Variants in SCN8A observed in about 807,000 individuals in gnomAD.
The protein encoded by SCN8A is sodium channel protein type 8 subunit alpha.
Under a neutral mutation model 184.1 loss-of-function variants are expected in SCN8A, and 30 were observed. That is an observed-to-expected ratio of 0.16 (90% CI 0.12 to 0.22). SCN8A has a LOEUF of 0.22. Among genes scored for constraint, SCN8A ranks in the 10% least tolerant of loss-of-function variants. The pLI is 1.00. For synonymous variants in SCN8A, 852 were observed against 907.0 expected (o/e 0.94, Z 1.09); for missense variants, 1,057 against 2,498.9 (o/e 0.42, Z 12.30).
chr12:51,626,910 A>G (rs1338587236), intron 1 of SCN8A, among the ~76,000 whole-genome samples: 2 of 151,898 alleles, frequency 1.3e-5, no homozygotes, highest in Non-Finnish European at 2.9e-5. Flanking sequence ...TTTCACATTC[A>G]TGAACATGTA....
At chr12:51,788,157 G>A (rs1279672069) in intron 22 of SCN8A, among the ~76,000 whole-genome samples, 1 of 152,100 alleles carries the variant, frequency 6.6e-6, no homozygotes, top group Non-Finnish European at 1.5e-5. Context: ...AATTGGGAAG[G>A]GACTGTCAAG....
chr12:51,649,903 G>A (rs1370080182), intron 1 of SCN8A, among the ~76,000 whole-genome samples: 1 of 152,138 alleles, frequency 6.6e-6, no homozygotes, highest in Non-Finnish European at 1.5e-5. Context: ...CTATCACATG[G>A]ACAGGCTGCA....
chr12:51,608,870 G>A (rs1379947658), intron 1 of SCN8A, among the ~76,000 whole-genome samples: 1 of 152,098 alleles, frequency 6.6e-6, no homozygotes, highest in African/African-American at 2.4e-5. Context: ...TAGGCGTTTA[G>A]GGCCGTGAAC....
rs539908600 is a variant in SCN8A at position 51,669,120 on chromosome 12, A to G, written c.276+6027A>G. Among the ~76,000 whole-genome samples the G allele has an allele frequency of 4.6e-5, 7 of 152,370 alleles. No individual in the cohort carries two copies. The East Asian group carries it at 1.2e-3, about 25-fold the overall frequency. ...CATAGAAAAGGTAATGCATTGTGCT[A>G]TAGCTACAACTTTATGACAGATACA... On this transcript the variant is annotated intron_variant, in intron 2 of 26. Transcript: ENST00000627620.
At chr12:51,647,514 G>A (rs1035929983) in intron 1 of SCN8A, among the ~76,000 whole-genome samples, 14 of 152,172 alleles carry the variant, frequency 9.2e-5, no homozygotes, top group African/African-American at 3.4e-4. Flanking sequence ...TGAATGCACG[G>A]GCAGTTCCCC....
At chr12:51,677,920 G>C (rs1941252654) in intron 2 of SCN8A, among the ~76,000 whole-genome samples, 1 of 152,114 alleles carries the variant, frequency 6.6e-6, no homozygotes. Flanking sequence ...AGACAGATTA[G>C]GTAAAATATT....
At chr12:51,599,619 A>G (rs1327967075) in intron 1 of SCN8A, among the ~76,000 whole-genome samples, 1 of 152,214 alleles carries the variant, frequency 6.6e-6, no homozygotes, top group African/African-American at 2.4e-5. Context: ...AGAATGACAG[A>G]TGATCAAAGC....
intron 12 of SCN8A, among the ~76,000 whole-genome samples, chr12:51,723,988 G>T (rs781713024): frequency 3.9e-5 from 6 of 152,268 alleles, no homozygotes; most frequent in Middle Eastern, 6.8e-3. Context: ...ACCCCTCAGA[G>T]ACCCTAATCT....
At chr12:51,691,934 C>G (rs534808273) in intron 6 of SCN8A, among the ~76,000 whole-genome samples, 1 of 152,348 alleles carries the variant, frequency 6.6e-6, no homozygotes, top group East Asian at 1.9e-4. Context: ...GCTATGCAGT[C>G]TCCTTCCAAG....
intron 26 of SCN8A, among the ~76,000 whole-genome samples, chr12:51,803,485 A>G (rs1041048449): frequency 3.3e-5 from 5 of 152,050 alleles, no homozygotes; most frequent in South Asian, 4.2e-4. Context: ...CAGGTTGACA[A>G]TATTAACCAT....
At chr12:51,662,561 C>T (rs997385791) in intron 1 of SCN8A, among the ~76,000 whole-genome samples, 18 of 152,138 alleles carry the variant, frequency 1.2e-4, no homozygotes, top group African/African-American at 4.3e-4. Context: ...ACTAGCAATT[C>T]AGGAGACTCC....
chr12:51,655,619 C>T (rs77060363), intron 1 of SCN8A, among the ~76,000 whole-genome samples: 2,798 of 152,230 alleles, frequency 0.018, 82 homozygotes, highest in African/African-American at 0.063. Flanking sequence ...AGCGATCTTC[C>T]CATCTAAGCC....
intron 2 of SCN8A, among the ~76,000 whole-genome samples, chr12:51,673,337 G>A (rs1941165127): frequency 6.6e-6 from 1 of 152,192 alleles, no homozygotes; most frequent in Non-Finnish European, 1.5e-5. Flanking sequence ...CAGGGATTGA[G>A]CATCTGTGGA....
intron 12 of SCN8A, among the ~76,000 whole-genome samples, chr12:51,732,545 C>T (rs1423399984): frequency 6.6e-6 from 1 of 152,048 alleles, no homozygotes; most frequent in Admixed American, 6.6e-5. Context: ...ATTGCTTTGG[C>T]TGTTCTGGGT....
chr12:51,701,102 T>A, intron 7 of SCN8A, 42 bp from the exon 8 acceptor site: 1 of 1,418,948 alleles, frequency 7.0e-7, no homozygotes. Flanking sequence ...CTCATTCACT[T>A]AAATCTGCCT....
chr12:51,732,959 G>C (rs370626497), intron 12 of SCN8A, among the ~76,000 whole-genome samples: 1 of 152,154 alleles, frequency 6.6e-6, no homozygotes, highest in Non-Finnish European at 1.5e-5. Context: ...TTCTGGTGGA[G>C]TCTTTGGATT....
At chr12:51,680,616 A>G (rs1333508215) in intron 2 of SCN8A, among the ~76,000 whole-genome samples, 2 of 152,210 alleles carry the variant, frequency 1.3e-5, no homozygotes, top group Non-Finnish European at 2.9e-5. Flanking sequence ...TGATTCAGTG[A>G]TAGGAAATAC....
At chr12:51,645,525 T>C (rs1051236679) in intron 1 of SCN8A, among the ~76,000 whole-genome samples, 13 of 151,764 alleles carry the variant, frequency 8.6e-5, no homozygotes, top group Non-Finnish European at 1.5e-4. Context: ...GGGGGAAAGG[T>C]GGGGAAAAGA....
chr12:51,679,145 AT>A (rs1407671858), intron 2 of SCN8A, among the ~76,000 whole-genome samples: 1 of 151,586 alleles, frequency 6.6e-6, no homozygotes, highest in African/African-American at 2.4e-5. Context: ...AGCTATAATC[AT>A]AATCCCAGCA....
Sources: allele counts gnomAD v4.1 joint callset (sites outside exome capture counted in the v4.1 genomes callset), GRCh38; gene constraint gnomAD v4.1.1; transcripts MANE v1.5; gene names NCBI Gene and HGNC (gene_info 2026-07-23, HGNC 2026-07-21).